DENND5B: variants seen among roughly 807,000 people sequenced by gnomAD.
DENND5B encodes DENN domain-containing protein 5B.
Under a neutral mutation model 140.6 loss-of-function variants are expected in DENND5B, and 34 were observed. The observed-to-expected ratio is 0.24, with a 90% CI of 0.18 to 0.32. The LOEUF is 0.32. Ranked by LOEUF, DENND5B falls within the 10% of genes least tolerant of loss-of-function variation. The pLI, the probability that DENND5B is intolerant of heterozygous loss-of-function variation, is 1.00. For missense variants in DENND5B, 1,142 were observed against 1,560.2 expected (o/e 0.73, Z 4.52); for synonymous variants, 551 against 562.1 (o/e 0.98, Z 0.28).
At chr12:31,471,758 G>T (rs544976883) in intron 3 of DENND5B, among the ~76,000 whole-genome samples, 1 of 152,188 alleles carries the variant, frequency 6.6e-6, no homozygotes, top group East Asian at 1.9e-4. Context: ...TTGACACAGG[G>T]CCCACAGCTC....
intron 1 of DENND5B, among the ~76,000 whole-genome samples, chr12:31,577,710 CAAAAAAAAAAAA>C (rs35015214): frequency 4.3e-5 from 3 of 70,506 alleles, no homozygotes; most frequent in South Asian, 5.9e-4. Context: ...GACTCTGTCT[CAAAAAAAAAAAA>C]AAAAAAAAAA....
chr12:31,484,429 G>A (rs1038248340), intron 2 of DENND5B, among the ~76,000 whole-genome samples: 7 of 152,110 alleles, frequency 4.6e-5, no homozygotes, highest in African/African-American at 9.7e-5. Context: ...TTCTATGGCC[G>A]TTTGACATGT....
Position 31,399,621 on chromosome 12 carries a change from A to G in DENND5B, c.3068+33T>C, listed in dbSNP as rs899209599. The G allele has an allele frequency of 1.9e-6, 3 of 1,562,940 alleles. No homozygotes were observed. In the African/African-American group the frequency reaches 4.1e-5, roughly 21 times the overall value. ...TTCTTACCTGAAGAGTCTTAAAACA[A>G]AGAATTCTGAGTTCCCAAGGCCATT... On this transcript the variant is annotated intron_variant, in intron 16 of 20. Coordinates refer to ENST00000389082, the MANE Select transcript of DENND5B (RefSeq NM_144973.4).
At chr12:31,561,382 G>C (rs1186817579) in intron 1 of DENND5B, among the ~76,000 whole-genome samples, 1 of 152,142 alleles carries the variant, frequency 6.6e-6, no homozygotes, top group Non-Finnish European at 1.5e-5. Flanking sequence ...CCAGCTACTT[G>C]AGAGGCTGAG....
chr12:31,483,905 C>A (rs1946184214), intron 2 of DENND5B, among the ~76,000 whole-genome samples: 1 of 146,606 alleles, frequency 6.8e-6, no homozygotes, highest in African/African-American at 2.5e-5. Flanking sequence ...CACTCTGTCA[C>A]TCAGGCTGGA....
At chr12:31,400,189 T>C (rs528874012) in intron 15 of DENND5B, among the ~76,000 whole-genome samples, 17 of 152,342 alleles carry the variant, frequency 1.1e-4, no homozygotes, top group Middle Eastern at 3.4e-3. Flanking sequence ...AAAACAATTA[T>C]AGATTTTAAA....
At chr12:31,390,064 G>A (rs905263391) in intron 19 of DENND5B, among the ~76,000 whole-genome samples, 3 of 151,326 alleles carry the variant, frequency 2.0e-5, no homozygotes, top group African/African-American at 7.3e-5. Flanking sequence ...TCTATTCTAA[G>A]TTAGATGAAA....
intron 7 of DENND5B, among the ~76,000 whole-genome samples, chr12:31,434,000 A>G (rs1701687331): frequency 6.6e-6 from 1 of 152,174 alleles, no homozygotes; most frequent in Non-Finnish European, 1.5e-5. Flanking sequence ...CTCAAGATAA[A>G]TAGAAAGATT....
At chr12:31,516,688 C>G (rs1178953989) in intron 1 of DENND5B, among the ~76,000 whole-genome samples, 1 of 152,188 alleles carries the variant, frequency 6.6e-6, no homozygotes, top group Non-Finnish European at 1.5e-5. Context: ...TTTTCAAGAG[C>G]TGACCATCTG....
Position 31,507,624 on chromosome 12 carries a change from GA to G in DENND5B, c.128-11706del, listed in dbSNP as rs979976840. Among the ~76,000 whole-genome samples the G allele has an allele frequency of 1.8e-4, 28 of 151,478 alleles. No homozygotes were observed. In the East Asian group the frequency reaches 3.9e-3, roughly 21 times the overall value. On this transcript the variant is annotated intron_variant, in intron 1 of 20. Coordinates refer to ENST00000389082, the MANE Select transcript of DENND5B (RefSeq NM_144973.4). ...ATACTAATAATAAAATTTGAAGTGAGAAAAAAAAATTTTTTAAGTAATTTAA... is the reference window on the plus strand; with the variant it reads ...ATACTAATAATAAAATTTGAAGTGAGAAAAAAAATTTTTTAAGTAATTTAA...
At chr12:31,509,727 T>A (rs549487828) in intron 1 of DENND5B, among the ~76,000 whole-genome samples, 1 of 152,220 alleles carries the variant, frequency 6.6e-6, no homozygotes, top group African/African-American at 2.4e-5. Context: ...TTATATAGTA[T>A]GTTGGAAGAT....
Position 31,425,219 on chromosome 12 carries a change from G to A in DENND5B, c.2239-532C>T, listed in dbSNP as rs148868173. Among the ~76,000 whole-genome samples the A allele has an allele frequency of 1.4e-3, 218 of 152,372 alleles. 3 individuals are homozygous for A. Among genetic ancestry groups the A allele is most frequent in the African/African-American group, 5.1e-3 (211 of 41,590 alleles). On this transcript the variant is annotated intron_variant, in intron 9 of 20. Transcript: ENST00000389082. ...CCCAGTTATTTGGGAGGCTGAGGCA[G>A]AAGAATTGCTTGAACCCAGGAGGTA...
chr12:31,404,464 CTTTA>C (rs1240560849), intron 14 of DENND5B, among the ~76,000 whole-genome samples: 7 of 152,102 alleles, frequency 4.6e-5, no homozygotes, highest in South Asian at 4.2e-4. Context: ...ACCTGGCTAA[CTTTA>C]TTTATTTAGA....
intron 16 of DENND5B, among the ~76,000 whole-genome samples, chr12:31,399,147 AGAGAG>A (rs1565541137): frequency 6.1e-5 from 1 of 16,334 alleles, no homozygotes; most frequent in African/African-American, 1.3e-4. Flanking sequence ...AAAAAAAAAG[AGAGAG>A]AAAGAAAAAA....
At chr12:31,556,258 G>A (rs532746665) in intron 1 of DENND5B, among the ~76,000 whole-genome samples, 1 of 152,132 alleles carries the variant, frequency 6.6e-6, no homozygotes, top group Non-Finnish European at 1.5e-5. Flanking sequence ...AGACTGGAGT[G>A]GAGCAGCATG....
chr12:31,503,274 T>C (rs1947079182), intron 1 of DENND5B, among the ~76,000 whole-genome samples: 2 of 152,106 alleles, frequency 1.3e-5, no homozygotes, highest in Non-Finnish European at 2.9e-5. Flanking sequence ...CAATTGACAA[T>C]GAAGGCTGGG....
chr12:31,413,599 T>C (rs760410248), intron 12 of DENND5B, 35 bp from the exon 13 acceptor site: 4 of 1,597,632 alleles, frequency 2.5e-6, no homozygotes, highest in Non-Finnish European at 3.4e-6. Context: ...GATGTAGATT[T>C]TAAGGATAAC....
At chr12:31,435,420 G>A (rs1455353854) in intron 7 of DENND5B, among the ~76,000 whole-genome samples, 2 of 151,910 alleles carry the variant, frequency 1.3e-5, no homozygotes, top group Admixed American at 6.6e-5. Context: ...TTTTCAACCC[G>A]CTCCATTAGT....
chr12:31,389,090 A>AGTG (rs1480046123), intron 20 of DENND5B, among the ~76,000 whole-genome samples: 1 of 152,052 alleles, frequency 6.6e-6, no homozygotes, highest in Non-Finnish European at 1.5e-5. Flanking sequence ...TACCTCATGT[A>AGTG]GTGGTGGTGG....
Sources: gnomAD v4.1 joint callset for allele counts (sites outside exome capture counted in the v4.1 genomes callset) on GRCh38, gnomAD v4.1.1 for gene constraint, MANE v1.5 for transcripts, NCBI Gene and HGNC (gene_info 2026-07-23, HGNC 2026-07-21) for gene names.